The following DIP2A variants were observed in gnomAD, a reference collection of about 807,000 sequenced individuals.
DIP2A encodes the protein DIP2 acetate--CoA ligase A.
A neutral mutation model predicts 177.4 loss-of-function variants in DIP2A; 85 were observed. The ratio of observed to expected loss-of-function variants is 0.48; its 90% CI spans 0.40 to 0.57. The LOEUF is 0.57. Ranked by LOEUF, DIP2A falls within the 20% of genes least tolerant of loss-of-function variation. DIP2A has a pLI of 0.00. For synonymous variants in DIP2A, 886 were observed against 881.8 expected (o/e 1.00, Z -0.08); for missense variants, 1,791 against 2,100.2 (o/e 0.85, Z 2.88).
rs566871551 is a variant in DIP2A at position 46,488,614 on chromosome 21, T to C, written c.164-1986T>C. On this transcript the variant is annotated intron_variant, in intron 2 of 37. Coordinates refer to ENST00000417564, the MANE Select transcript of DIP2A (RefSeq NM_015151.4). ...TTATGTTCAACCTCAGTGGTAGATA[T>C]GGAAATGCAAATTAAAGGGCACCAT... Among the ~76,000 whole-genome samples the C allele has an allele frequency of 7.2e-5, 11 of 152,316 alleles. No individual in the cohort carries two copies. The East Asian group carries it at 7.7e-4, about 11-fold the overall frequency.
intron 1 of DIP2A, chr21:46,469,115 G>A (rs1292066870): frequency 1.3e-5 from 2 of 152,088 alleles, no homozygotes; most frequent in African/African-American, 4.8e-5. Context: ...ATGATTATTT[G>A]TTTGCTTGTC....
intron 32 of DIP2A, among the ~76,000 whole-genome samples, chr21:46,559,704 C>G (rs796074965): frequency 1.3e-5 from 2 of 152,224 alleles, no homozygotes; most frequent in African/African-American, 2.4e-5. Flanking sequence ...TTCACGTTTG[C>G]TCTTTAAGAT....
chr21:46,517,923 G>T (rs1443332851), intron 8 of DIP2A, among the ~76,000 whole-genome samples: 2 of 152,232 alleles, frequency 1.3e-5, no homozygotes, highest in African/African-American at 4.8e-5. Context: ...TCCTCTAGTT[G>T]TCTTTGCTGA....
intron 9 of DIP2A, among the ~76,000 whole-genome samples, chr21:46,530,461 A>G (rs1281865286): frequency 1.3e-5 from 2 of 152,246 alleles, no homozygotes; most frequent in Non-Finnish European, 2.9e-5. Context: ...GGAAACAACA[A>G]GGAAAGCTAG....
chr21:46,528,429 T>G (rs1222283899), intron 8 of DIP2A, among the ~76,000 whole-genome samples: 2 of 151,248 alleles, frequency 1.3e-5, no homozygotes, highest in East Asian at 3.9e-4. Context: ...TTGAAAATTT[T>G]ACAGGCATGT....
intron 25 of DIP2A, among the ~76,000 whole-genome samples, chr21:46,552,493 A>T (rs1238974421): frequency 2.0e-5 from 3 of 152,246 alleles, no homozygotes; most frequent in Non-Finnish European, 2.9e-5. Context: ...GCGGAAACAC[A>T]GAAAGTTAAA....
intron 37 of DIP2A, among the ~76,000 whole-genome samples, chr21:46,567,080 T>C (rs942215184): frequency 6.6e-6 from 1 of 152,262 alleles, no homozygotes; most frequent in Non-Finnish European, 1.5e-5. Context: ...ACTTTTAATA[T>C]GAGTTTCTCA....
At chr21:46,549,913 C>T (rs375887650) in intron 22 of DIP2A, 28 bp downstream of exon 22, 53 of 1,606,654 alleles carry the variant, frequency 3.3e-5, no homozygotes, top group South Asian at 1.8e-4. Flanking sequence ...GCCTATGGTT[C>T]GGTGAATCTC....
intron 2 of DIP2A, among the ~76,000 whole-genome samples, chr21:46,489,137 GT>G (rs1419771888): frequency 6.6e-6 from 1 of 152,168 alleles, no homozygotes; most frequent in East Asian, 1.9e-4. Flanking sequence ...GTGTGTGGAT[GT>G]ATATGTACAT....
chr21:46,569,316 TG>T lies in DIP2A; in HGVS notation c.*1695del, dbSNP rs2060918228. The T allele has an allele frequency of 1.3e-5, 2 of 152,184 alleles. No homozygotes were observed. The allele number at this position is 152,184 out of a possible 1,614,324, so 9.4% of individuals were successfully genotyped here. A position where few individuals can be genotyped will look rare whatever the true frequency, so the allele number is the denominator to read the frequency against. On this transcript the variant is annotated 3_prime_UTR_variant, in exon 38 of 38. Coordinates refer to ENST00000417564, the MANE Select transcript of DIP2A (RefSeq NM_015151.4). Reference sequence around the variant, plus strand: ...CAAATAGCACTGTGCATAGTAGCCCTGTTTCCCCATGGTGTTGGACTGTGGT... The same window carrying T: ...CAAATAGCACTGTGCATAGTAGCCCTTTTCCCCATGGTGTTGGACTGTGGT...
At chr21:46,532,571 A>T (rs1382353235) in intron 10 of DIP2A, among the ~76,000 whole-genome samples, 1 of 152,244 alleles carries the variant, frequency 6.6e-6, no homozygotes, top group Non-Finnish European at 1.5e-5. Flanking sequence ...TTATGATTCA[A>T]TAAGATTTTG....
At chr21:46,523,918 A>C (rs1280358867) in intron 8 of DIP2A, among the ~76,000 whole-genome samples, 2 of 152,244 alleles carry the variant, frequency 1.3e-5, no homozygotes, top group East Asian at 1.9e-4. Flanking sequence ...GAAAAGAGAA[A>C]GGGAGAAAAG....
rs2148532532 is a variant in DIP2A at position 46,498,837 on chromosome 21, A to G, written c.655+4A>G. On this transcript the variant is annotated splice_donor_region_variant and intron_variant, in intron 5 of 37. Transcript: ENST00000417564. The surrounding 1 kb of genome is among the most constrained non-coding windows in gnomAD (Gnocchi z 4.3). ...CTCGAGGCCCACACCCACATAGGTC[A>G]GTAATAAGCTGCTGCGGCCCCTGTG... The G allele has an allele frequency of 1.9e-6, 3 of 1,608,720 alleles. No individual in the cohort carries two copies. Among genetic ancestry groups the G allele is most frequent in the East Asian group, 2.2e-5 (1 of 44,752 alleles).
In DIP2A at chr21:46,566,510, C is replaced by G. The variant is rs372870634; in HGVS notation, c.4340-50C>G. The G allele has an allele frequency of 1.9e-5, 31 of 1,611,870 alleles. No individual in the cohort carries two copies. In the African/African-American group the frequency reaches 3.3e-4, roughly 17 times the overall value. ...GGCTCAGAGGATACGAATGTCCAGA[C>G]TCTGCATGCCTTGGCTTTCTGGGCA... On this transcript the variant is annotated intron_variant, in intron 36 of 37. Coordinates refer to ENST00000417564, the MANE Select transcript of DIP2A (RefSeq NM_015151.4).
intron 5 of DIP2A, among the ~76,000 whole-genome samples, chr21:46,501,617 T>TAGTA (rs1316517190): frequency 6.6e-6 from 1 of 151,644 alleles, no homozygotes; most frequent in African/African-American, 2.4e-5. Flanking sequence ...AGATGGAGTT[T>TAGTA]TTACTGTGTT....
intron 8 of DIP2A, among the ~76,000 whole-genome samples, chr21:46,523,393 A>ATTTTTTTTTTTTTTTTTTTTTTTTTTT (rs61370008): frequency 2.2e-5 from 2 of 89,914 alleles, no homozygotes; most frequent in African/African-American, 4.7e-5. Context: ...CGCCTGGCTA[A>ATTTTTTTTTTTTTTTTTTTTTTTTTTT]TTTTTTTTTT....
chr21:46,554,216 T>C lies in DIP2A; in HGVS notation c.3078T>C (p.Ala1026=), dbSNP rs1250929224. The change falls in exon 26 of 38, where the codon GCT becomes GCC. Residue 1026 remains alanine (A), a synonymous_variant. Transcript: ENST00000417564. Reference sequence around the variant, plus strand: ...CCTGTGTCCAGCTGCACAAAAGGGCTGAGAGAGTGGCCGCGGCTCTGATGG... The same window carrying C: ...CCTGTGTCCAGCTGCACAAAAGGGCCGAGAGAGTGGCCGCGGCTCTGATGG... ...TATCVQLHKR[A]ERVAAALMEK... The C allele has an allele frequency of 6.2e-6, 10 of 1,613,786 alleles. No homozygotes were observed. Among genetic ancestry groups the C allele is most frequent in the Non-Finnish European group, 8.5e-6 (10 of 1,179,858 alleles).
chr21:46,560,722 G>T lies in DIP2A; in HGVS notation c.3970G>T (p.Gly1324Cys). 6.2e-7 allele frequency: 1 copy of T among 1,606,846 alleles called. No homozygotes were observed. Among genetic ancestry groups the T allele is most frequent in the Non-Finnish European group, 8.5e-7 (1 of 1,176,956 alleles). Reference protein sequence around the residue: ...CRVNVAICLQGTAGPDPTTVY... With the variant: ...CRVNVAICLQCTAGPDPTTVY... ...AGTTCCTCTGCTGCTCTCCTTCCAGGGCACAGCTGGCCCGGACCCCACAAC... is the reference window on the plus strand; with the variant it reads ...AGTTCCTCTGCTGCTCTCCTTCCAGTGCACAGCTGGCCCGGACCCCACAAC... Residue 1324 changes from glycine to cysteine, a missense_variant and splice_region_variant, in exon 33 of 38, where the codon GGC becomes TGC. Transcript: ENST00000417564.
At chr21:46,495,281 T>TCTC (rs1555883154) in intron 3 of DIP2A, among the ~76,000 whole-genome samples, 1 of 147,566 alleles carries the variant, frequency 6.8e-6, no homozygotes, top group Non-Finnish European at 1.5e-5. Flanking sequence ...TCTCTCTCTG[T>TCTC]TTTTGAGATG....
Sources: allele counts gnomAD v4.1 joint callset (sites outside exome capture counted in the v4.1 genomes callset), GRCh38; gene constraint gnomAD v4.1.1; non-coding constraint Gnocchi (gnomAD v3.1); transcripts MANE v1.5; gene names NCBI Gene and HGNC (gene_info 2026-07-23, HGNC 2026-07-21).